FAM200B: variants seen among roughly 807,000 people sequenced by gnomAD.
FAM200B encodes the protein zinc finger BED-type containing 11, also known as protein FAM200B.
Under a neutral mutation model 33.1 loss-of-function variants are expected in FAM200B, and 32 were observed. That is an observed-to-expected ratio of 0.97 (90% confidence interval 0.73 to 1.30). The LOEUF (loss-of-function observed/expected upper bound fraction) is 1.30. FAM200B is among the 50% of genes most tolerant of loss of function. The probability of loss-of-function intolerance (pLI) is 0.00; values close to 1 mark genes in which losing one functional copy is unlikely to be tolerated. For synonymous variants in FAM200B, 240 were observed against 264.8 expected, an observed-to-expected ratio of 0.91 and a Z score of 0.91; for missense variants, 741 against 754.0, an observed-to-expected ratio of 0.98 and a Z score of 0.20.
chr4:15,658,119 C>T, the FAM200B span, among the ~76,000 whole-genome samples: 1 of 152,150 alleles, frequency 6.6e-6, no homozygotes, highest in South Asian at 2.1e-4. Context: ...TTTGAGAACC[C>T]TGGAAAGGGT....
At chr4:15,646,597 C>T in the FAM200B span, among the ~76,000 whole-genome samples, 1 of 151,888 alleles carries the variant, frequency 6.6e-6, no homozygotes, top group African/African-American at 2.4e-5. Flanking sequence ...GCACAACGTG[C>T]AGGTTTGTTA....
the FAM200B span, among the ~76,000 whole-genome samples, chr4:15,661,899 A>G: frequency 2.0e-5 from 3 of 152,196 alleles, no homozygotes; most frequent in African/African-American, 4.8e-5. Flanking sequence ...GTGGCTGTTG[A>G]GAGGCCTCAC....
At chr4:15,667,248 G>A in the FAM200B span, among the ~76,000 whole-genome samples, 2 of 152,124 alleles carry the variant, frequency 1.3e-5, no homozygotes, top group African/African-American at 4.8e-5. Flanking sequence ...AACCTTGATG[G>A]CAGTCCATGA....
chr4:15,653,895 G>C, the FAM200B span, among the ~76,000 whole-genome samples: 1 of 152,168 alleles, frequency 6.6e-6, no homozygotes, highest in Non-Finnish European at 1.5e-5. Flanking sequence ...TAGTGACCTA[G>C]ACATCAGGAC....
At chr4:15,647,657 T>C in the FAM200B span, among the ~76,000 whole-genome samples, 5 of 152,220 alleles carry the variant, frequency 3.3e-5, no homozygotes, top group East Asian at 3.8e-4. Flanking sequence ...AAATTAACTA[T>C]AGTAACTATA....
chr4:15,655,347 C>T, the FAM200B span: 11 of 1,263,634 alleles, frequency 8.7e-6, no homozygotes, highest in Non-Finnish European at 1.1e-5. Context: ...TAGACACCCT[C>T]GCCGCGGGGC....
At chr4:15,639,331 A>C in the FAM200B span, among the ~76,000 whole-genome samples, 4 of 152,212 alleles carry the variant, frequency 2.6e-5, no homozygotes, top group Non-Finnish European at 5.9e-5. Flanking sequence ...GCCTTCTGGT[A>C]CTAGAGTAAC....
chr4:15,687,825 A>C lies in FAM200B; in HGVS notation c.848A>C (p.Gln283Pro), dbSNP rs1235408753. 1 of 1,551,344 alleles carries C rather than the reference A, an allele frequency of 6.4e-7. No individual in the cohort carries two copies. Among genetic ancestry groups the C allele is most frequent in the Admixed American group, 2.0e-5 (1 of 50,996 alleles). The change falls in exon 2 of 2, where the codon CAA becomes CCA. Residue 283 changes from glutamine to proline, a missense_variant. Physicochemically the swap from Gln to Pro is moderately conservative, Grantham distance 76 (BLOSUM62 -1). Coordinates refer to ENST00000422728, the MANE Select transcript of FAM200B (RefSeq NM_001145191.2). Reference sequence around the variant, plus strand: ...GAATTAGAAAGGCGCATAGTTGGCCAATATAAATTAAACTGGAAAAACTGT... The same window carrying C: ...GAATTAGAAAGGCGCATAGTTGGCCCATATAAATTAAACTGGAAAAACTGT... The part of the protein sequence containing the change: ...FTELERRIVG[Q>P]YKLNWKNCKG...
the FAM200B span, among the ~76,000 whole-genome samples, chr4:15,667,182 T>C: frequency 6.6e-6 from 1 of 152,200 alleles, no homozygotes; most frequent in Admixed American, 6.5e-5. Flanking sequence ...CACGTCGTAG[T>C]ACTTAGGTTC....
At chr4:15,680,253 G>A (rs111300239), upstream of FAM200B, among the ~76,000 whole-genome samples, 16 of 152,244 alleles carry the variant, frequency 1.1e-4, no homozygotes, top group Middle Eastern at 3.4e-3. Context: ...ATGATTACCC[G>A]TGAAGACTAT....
the FAM200B span, among the ~76,000 whole-genome samples, chr4:15,671,306 C>T: frequency 6.6e-6 from 1 of 152,126 alleles, no homozygotes; most frequent in South Asian, 2.1e-4. Flanking sequence ...CAAATTGTTC[C>T]CTATAAGAAA....
the FAM200B span, among the ~76,000 whole-genome samples, chr4:15,650,082 A>C: frequency 2.6e-5 from 4 of 152,130 alleles, no homozygotes; most frequent in African/African-American, 9.7e-5. Flanking sequence ...CATCCCCCAG[A>C]GATAAAAGGC....
the FAM200B span, among the ~76,000 whole-genome samples, chr4:15,676,636 C>G: frequency 6.6e-6 from 1 of 151,496 alleles, no homozygotes; most frequent in African/African-American, 2.4e-5. Flanking sequence ...ACATTTCCTT[C>G]ACAATAATTC....
intron 1 of FAM200B, among the ~76,000 whole-genome samples, chr4:15,686,015 T>C (rs1295572272): frequency 6.6e-6 from 1 of 152,208 alleles, no homozygotes; most frequent in East Asian, 1.9e-4. Flanking sequence ...TGATGCCAAC[T>C]TCTGGGTTTT....
chr4:15,673,483 C>G, the FAM200B span, among the ~76,000 whole-genome samples: 1 of 152,090 alleles, frequency 6.6e-6, no homozygotes, highest in African/African-American at 2.4e-5. Context: ...ATCAGCAAGA[C>G]AGTAGACCAG....
At chr4:15,652,288 G>C in the FAM200B span, among the ~76,000 whole-genome samples, 6 of 152,186 alleles carry the variant, frequency 3.9e-5, no homozygotes, top group East Asian at 9.6e-4. Flanking sequence ...AAACTACTAT[G>C]ATTTAATATA....
chr4:15,637,489 T>C, the FAM200B span, among the ~76,000 whole-genome samples: 2 of 152,202 alleles, frequency 1.3e-5, no homozygotes, highest in Non-Finnish European at 2.9e-5. Context: ...AACTTAAATA[T>C]AGAAATGCTA....
chr4:15,647,222 C>CAAAAAAAAAAAA, the FAM200B span, among the ~76,000 whole-genome samples: 9 of 36,496 alleles, frequency 2.5e-4, no homozygotes, highest in Non-Finnish European at 3.5e-4. Context: ...GACTCCATCT[C>CAAAAAAAAAAAA]AAAAAAAAAA....
the FAM200B span, chr4:15,655,329 C>A: frequency 1.3e-5 from 17 of 1,348,944 alleles, no homozygotes; most frequent in Non-Finnish European, 1.6e-5. Flanking sequence ...GCGGCCGCCG[C>A]CTCTCCATAG....
Sources: gnomAD v4.1 joint callset for allele counts (sites outside exome capture counted in the v4.1 genomes callset) on GRCh38, gnomAD v4.1.1 for gene constraint, MANE v1.5 for transcripts, NCBI Gene and HGNC (gene_info 2026-07-23, HGNC 2026-07-21) for gene names.